AK5: variants seen among roughly 807,000 people sequenced by gnomAD.
The protein encoded by AK5 is adenylate kinase 5.
In AK5, 27 loss-of-function variants were observed where a neutral mutation model predicts 69.5. The observed-to-expected ratio is 0.39, with a 90% CI of 0.29 to 0.54. The LOEUF is 0.54. AK5 is among the 20% of genes least tolerant of loss of function. The pLI, the probability that AK5 is intolerant of heterozygous loss-of-function variation, is 0.71. For missense variants in AK5, 531 were observed against 700.4 expected (o/e 0.76, Z 2.73); for synonymous variants, 260 against 244.4 (o/e 1.06, Z -0.60).
At chr1:77,365,007 T>C (rs533436169) in intron 6 of AK5, among the ~76,000 whole-genome samples, 77 of 152,326 alleles carry the variant, frequency 5.1e-4, no homozygotes, top group African/African-American at 1.8e-3. Context: ...GGCCTACCCC[T>C]GTTTTTGCAC....
intron 13 of AK5, among the ~76,000 whole-genome samples, chr1:77,546,058 A>G (rs1570347282): frequency 6.6e-6 from 1 of 152,060 alleles, no homozygotes; most frequent in African/African-American, 2.4e-5. Context: ...AGATTCCCGC[A>G]AAGACGTTTT....
intron 12 of AK5, among the ~76,000 whole-genome samples, chr1:77,522,552 G>A (rs943773891): frequency 6.6e-6 from 1 of 152,142 alleles, no homozygotes; most frequent in Non-Finnish European, 1.5e-5. Flanking sequence ...GTGCTGGACA[G>A]GCAGAATCAG....
chr1:77,325,370 T>A (rs190994812), intron 5 of AK5, among the ~76,000 whole-genome samples: 24 of 152,296 alleles, frequency 1.6e-4, no homozygotes, highest in African/African-American at 4.8e-4. Context: ...ATCTCACTAA[T>A]GACTGATAGA....
intron 5 of AK5, among the ~76,000 whole-genome samples, chr1:77,334,562 C>T (rs149986306): frequency 5.9e-4 from 90 of 152,182 alleles, no homozygotes; most frequent in Non-Finnish European, 1.1e-3. Context: ...TTTCTAGAGC[C>T]TTCTAACCAT....
chr1:77,508,431 AC>A lies in AK5; in HGVS notation c.1148-10132del, dbSNP rs1338035248. ...GCTGATGGAGCCCTTATTAGCCGAAACATTACCAGTCTCATGGCAAAGGGAA... is the reference window on the plus strand; with the variant it reads ...GCTGATGGAGCCCTTATTAGCCGAAAATTACCAGTCTCATGGCAAAGGGAA... On this transcript the variant is annotated intron_variant, in intron 10 of 13. Transcript: ENST00000354567. 2.6e-5 allele frequency among the ~76,000 whole-genome samples: 4 copies of A among 152,324 alleles called. No homozygotes were observed. The East Asian group carries it at 7.7e-4, about 29-fold the overall frequency.
chr1:77,499,211 A>G (rs1656546485), intron 10 of AK5, among the ~76,000 whole-genome samples: 1 of 152,240 alleles, frequency 6.6e-6, no homozygotes, highest in Non-Finnish European at 1.5e-5. Context: ...CCTCTGAACC[A>G]GGAGTCTGAG....
intron 10 of AK5, among the ~76,000 whole-genome samples, chr1:77,504,088 T>C (rs957803183): frequency 6.6e-6 from 1 of 152,134 alleles, no homozygotes; most frequent in East Asian, 1.9e-4. Context: ...AAATTGCAGG[T>C]TCCTCAAGAG....
chr1:77,463,558 C>A (rs1437385991), intron 8 of AK5, among the ~76,000 whole-genome samples: 1 of 114,776 alleles, frequency 8.7e-6, no homozygotes, highest in East Asian at 2.6e-4. Context: ...GACACAAAAA[C>A]CTGTTTAGCT....
chr1:77,442,963 C>T (rs147349520), intron 8 of AK5, among the ~76,000 whole-genome samples: 173 of 151,630 alleles, frequency 1.1e-3, no homozygotes, highest in African/African-American at 4.1e-3. Flanking sequence ...GCATGAGAAC[C>T]CTTCCTTCAT....
intron 1 of AK5, among the ~76,000 whole-genome samples, chr1:77,285,775 T>C (rs550926711): frequency 3.0e-4 from 45 of 152,328 alleles, no homozygotes; most frequent in African/African-American, 1.1e-3. Flanking sequence ...ACTTACTCTA[T>C]GTCAAATAGT....
chr1:77,532,106 C>G (rs140530565), intron 12 of AK5: 2 of 154,098 alleles, frequency 1.3e-5, no homozygotes, highest in Non-Finnish European at 2.9e-5. Context: ...TGCGCCTCTC[C>G]CTCCACACCT....
intron 13 of AK5, among the ~76,000 whole-genome samples, chr1:77,537,617 A>G (rs1659042053): frequency 6.6e-6 from 1 of 152,156 alleles, no homozygotes; most frequent in Non-Finnish European, 1.5e-5. Context: ...GGAGAGTGGG[A>G]TCTCTTGCTG....
chr1:77,385,191 G>A (rs1045586053), intron 6 of AK5, among the ~76,000 whole-genome samples: 4 of 151,974 alleles, frequency 2.6e-5, no homozygotes, highest in South Asian at 2.1e-4. Context: ...ACAGAGTCTC[G>A]CTCTGTCGCC....
chr1:77,350,781 A>G (rs1426532673), intron 6 of AK5, among the ~76,000 whole-genome samples: 1 of 152,196 alleles, frequency 6.6e-6, no homozygotes, highest in African/African-American at 2.4e-5. Context: ...GTTCATGGCA[A>G]GGCTGAAAGG....
intron 6 of AK5, among the ~76,000 whole-genome samples, chr1:77,410,585 GTGTTTT>G (rs57512332): frequency 0.74 from 110,941 of 150,688 alleles, 41,447 homozygotes; most frequent in Non-Finnish European, 0.81. Flanking sequence ...CAGCCTCTTT[GTGTTTT>G]TGTTTTTGTT....
intron 6 of AK5, among the ~76,000 whole-genome samples, chr1:77,348,183 AT>A (rs907760619): frequency 6.6e-6 from 1 of 152,162 alleles, no homozygotes; most frequent in African/African-American, 2.4e-5. Context: ...CCCATGAACA[AT>A]TTTTTAATCA....
intron 7 of AK5, among the ~76,000 whole-genome samples, chr1:77,413,044 A>C (rs1034312198): frequency 6.5e-4 from 2 of 3,056 alleles, no homozygotes; most frequent in African/African-American, 8.6e-4. Context: ...TGCCTTTCTG[A>C]AAAAAAAACA....
chr1:77,549,101 C>G (rs2100391523), intron 13 of AK5, among the ~76,000 whole-genome samples: 1 of 152,016 alleles, frequency 6.6e-6, no homozygotes, highest in African/African-American at 2.4e-5. Context: ...GTCTTGAACT[C>G]CTGACCTCAG....
At chr1:77,371,705 T>G (rs925278409) in intron 6 of AK5, among the ~76,000 whole-genome samples, 2 of 152,174 alleles carry the variant, frequency 1.3e-5, no homozygotes, top group African/African-American at 4.8e-5. Context: ...CTACAGGTTA[T>G]TAGAAGGACT....
Sources: gnomAD v4.1 joint callset for allele counts (sites outside exome capture counted in the v4.1 genomes callset) on GRCh38, gnomAD v4.1.1 for gene constraint, MANE v1.5 for transcripts, NCBI Gene and HGNC (gene_info 2026-07-23, HGNC 2026-07-21) for gene names.